Variants in NCKAP5 observed in about 807,000 individuals in gnomAD.
NCKAP5 encodes the protein nck-associated protein 5.
In NCKAP5, 92 loss-of-function variants were observed where a neutral mutation model predicts 167.0. The ratio of observed to expected loss-of-function variants is 0.55; its 90% CI spans 0.47 to 0.66. The LOEUF is 0.66. Among genes scored for constraint, NCKAP5 ranks in the 30% least tolerant of loss-of-function variants. The probability of loss-of-function intolerance (pLI) is 0.00; values close to 1 mark genes in which losing one functional copy is unlikely to be tolerated. For missense variants in NCKAP5, 2,378 were observed against 2,315.0 expected, an observed-to-expected ratio of 1.03 and a Z score of -0.56; for synonymous variants, 891 against 877.4, an observed-to-expected ratio of 1.02 and a Z score of -0.27.
intron 5 of NCKAP5, among the ~76,000 whole-genome samples, chr2:133,171,193 C>T (rs2084233906): frequency 6.6e-6 from 1 of 152,126 alleles, no homozygotes; most frequent in Non-Finnish European, 1.5e-5. Context: ...ACCTGTTTTT[C>T]ATACTGTGAC....
chr2:133,568,916 T>C (rs62179302), upstream of NCKAP5, among the ~76,000 whole-genome samples: 25,860 of 152,178 alleles, frequency 0.17, 2,468 homozygotes, highest in East Asian at 0.36. Flanking sequence ...TAGATTGTCT[T>C]GGGTGCAACT....
intron 4 of NCKAP5, among the ~76,000 whole-genome samples, chr2:133,279,059 G>A (rs915612043): frequency 2.6e-5 from 4 of 152,174 alleles, no homozygotes; most frequent in Non-Finnish European, 5.9e-5. Flanking sequence ...TACATTGCTG[G>A]TAGAAATATA....
intron 16 of NCKAP5, among the ~76,000 whole-genome samples, chr2:132,768,796 C>A (rs369870226): frequency 6.6e-6 from 1 of 151,342 alleles, no homozygotes; most frequent in Non-Finnish European, 1.5e-5. Flanking sequence ...CCCGCCACCA[C>A]GCCCGGCTAA....
At chr2:133,433,411 A>C (rs1055576878) in intron 3 of NCKAP5, 1 of 152,214 alleles carries the variant, frequency 6.6e-6, no homozygotes, top group African/African-American at 2.4e-5. Context: ...ACTGGAGTTT[A>C]GGTGATACTT....
chr2:133,544,396 T>G (rs141344254), intron 2 of NCKAP5, among the ~76,000 whole-genome samples: 2 of 152,176 alleles, frequency 1.3e-5, no homozygotes, highest in Non-Finnish European at 2.9e-5. Flanking sequence ...GGAAAATACA[T>G]GTACTTATTT....
At chr2:133,291,015 T>G (rs1219796982) in intron 4 of NCKAP5, among the ~76,000 whole-genome samples, 1 of 152,142 alleles carries the variant, frequency 6.6e-6, no homozygotes, top group Non-Finnish European at 1.5e-5. Flanking sequence ...CCACCATGCT[T>G]GGACAGTTTC....
rs536179768 is a variant in NCKAP5, at chr2:133,374,752, A to G, written c.70-71642T>C. On this transcript the variant is annotated intron_variant, in intron 3 of 19. Transcript: ENST00000409261. The stretch of plus-strand genomic sequence containing the variant: ...TCTCAAAAATGTCTACTAAAAACAA[A>G]CAGAAAACAAGCAAAAACCCTACTT... 5.3e-5 allele frequency among the ~76,000 whole-genome samples: 8 copies of G among 152,300 alleles called. No individual in the cohort carries two copies. In the East Asian group the frequency reaches 1.4e-3, roughly 26 times the overall value.
At chr2:133,150,779 C>T (rs2083359874) in intron 5 of NCKAP5, among the ~76,000 whole-genome samples, 1 of 152,086 alleles carries the variant, frequency 6.6e-6, no homozygotes, top group African/African-American at 2.4e-5. Flanking sequence ...TACATCTGCT[C>T]ACCTAAAGTC....
the NCKAP5 span, among the ~76,000 whole-genome samples, chr2:133,603,939 C>T: frequency 6.6e-6 from 1 of 152,210 alleles, no homozygotes; most frequent in East Asian, 1.9e-4. Context: ...ACCAATGTGA[C>T]CATGGACTAG....
chr2:132,675,991 C>G (rs1684408045), intron 19 of NCKAP5, among the ~76,000 whole-genome samples: 1 of 152,156 alleles, frequency 6.6e-6, no homozygotes, highest in East Asian at 1.9e-4. Flanking sequence ...AGCATTCAGT[C>G]TCTAGGCAGA....
intron 5 of NCKAP5, among the ~76,000 whole-genome samples, chr2:133,181,603 C>CAAAAA (rs34264277): frequency 2.3e-4 from 16 of 71,080 alleles, no homozygotes; most frequent in African/African-American, 6.3e-4. Context: ...CCCATCTCTA[C>CAAAAA]AAAAAAAAAA....
At chr2:132,750,183 G>C (rs1383020330) in intron 16 of NCKAP5, among the ~76,000 whole-genome samples, 8 of 152,138 alleles carry the variant, frequency 5.3e-5, no homozygotes, top group Non-Finnish European at 1.2e-4. Flanking sequence ...TAGCACCTCT[G>C]ACCCTGCATT....
At chr2:132,754,253 A>G (rs1048515726) in intron 16 of NCKAP5, among the ~76,000 whole-genome samples, 1 of 152,072 alleles carries the variant, frequency 6.6e-6, no homozygotes, top group African/African-American at 2.4e-5. Flanking sequence ...TCTTTCCTGT[A>G]CTTGCTGATA....
chr2:133,125,220 T>C lies in NCKAP5; in HGVS notation c.341+4758A>G, dbSNP rs1247886734. Among the ~76,000 whole-genome samples the C allele has an allele frequency of 6.0e-5, 8 of 132,290 alleles. 1 individual carries two copies. Among genetic ancestry groups the C allele is most frequent in the Non-Finnish European group, 4.7e-5 (3 of 63,600 alleles). The allele number at this position is 132,290 out of a possible 152,430, so 86.8% of individuals were successfully genotyped here. Reference sequence around the variant, plus strand: ...ACCTAAGTGATCCCATTACTCTACCTTTTTTTTTTTTTTTGTAAATCACTG... The same window carrying C: ...ACCTAAGTGATCCCATTACTCTACCCTTTTTTTTTTTTTTGTAAATCACTG... On this transcript the variant is annotated intron_variant, in intron 6 of 19. Coordinates refer to ENST00000409261, the MANE Select transcript of NCKAP5 (RefSeq NM_207363.3).
chr2:132,963,797 A>C lies in NCKAP5; in HGVS notation c.502T>G (p.Ser168Ala). The change falls in exon 8 of 20, where the codon TCG becomes GCG. Residue 168 changes from serine (S) to alanine (A), a missense_variant. Ser to Ala is a moderately conservative substitution (Grantham distance 99). This residue lies in a region of NCKAP5 where 1,049 missense variants were observed against 1,023.4 expected (regional missense o/e 1.02). Coordinates refer to ENST00000409261, the MANE Select transcript of NCKAP5 (RefSeq NM_207363.3). ...TCTGTACTGCTGCTTTCACTCCTCG[A>C]ATCCTCATCAACCACCATGTGAAGA... ...EDLHMVVDEDSRSESSSTDEG... is the reference protein window; with the variant it reads ...EDLHMVVDEDARSESSSTDEG... The C allele has an allele frequency of 6.2e-7, 1 of 1,613,942 alleles. No individual in the cohort carries two copies. The highest frequency in any genetic ancestry group is 8.5e-7 in the Non-Finnish European group (1 of 1,179,870).
intron 5 of NCKAP5, among the ~76,000 whole-genome samples, chr2:133,164,100 G>A (rs746840656): frequency 3.3e-5 from 5 of 152,144 alleles, no homozygotes; most frequent in Admixed American, 6.6e-5. Flanking sequence ...GCCCACAGGC[G>A]AGAAGTCAAT....
At chr2:133,247,715 T>C (rs1467711421) in intron 4 of NCKAP5, among the ~76,000 whole-genome samples, 1 of 152,208 alleles carries the variant, frequency 6.6e-6, no homozygotes, top group East Asian at 1.9e-4. Flanking sequence ...AACCCGGAAG[T>C]AGGCAGCATG....
chr2:133,444,361 T>C (rs1574966494), intron 3 of NCKAP5, among the ~76,000 whole-genome samples: 2 of 72,764 alleles, frequency 2.7e-5, no homozygotes, highest in Admixed American at 1.6e-4. Context: ...CAAAGATAGA[T>C]AGATAGATAG....
At chr2:133,669,163 G>A in the NCKAP5 span, among the ~76,000 whole-genome samples, 7 of 152,242 alleles carry the variant, frequency 4.6e-5, no homozygotes, top group East Asian at 9.6e-4. Flanking sequence ...TCACATATTC[G>A]TTTTCAAGCT....
Sources: allele counts gnomAD v4.1 joint callset (sites outside exome capture counted in the v4.1 genomes callset), GRCh38; gene constraint gnomAD v4.1.1; regional missense constraint gnomAD v4.1.1; transcripts MANE v1.5; gene names NCBI Gene and HGNC (gene_info 2026-07-23, HGNC 2026-07-21).